Variants in PYCR3 observed in about 807,000 individuals in gnomAD.
PYCR3 encodes the protein P5C reductase 3.
A neutral mutation model predicts 23.4 loss-of-function variants in PYCR3; 26 were observed. The observed-to-expected ratio is 1.11, with a 90% CI of 0.81 to 1.54. The LOEUF (loss-of-function observed/expected upper bound fraction) is 1.54, where lower values mean the gene tolerates loss of function less well. Ranked by LOEUF, PYCR3 falls within the 40% of genes most tolerant of loss-of-function variation. PYCR3 has a pLI of 0.00. For synonymous variants in PYCR3, 194 were observed against 162.6 expected, an observed-to-expected ratio of 1.19 and a Z score of -1.47; for missense variants, 360 against 376.3, an observed-to-expected ratio of 0.96 and a Z score of 0.36.
In PYCR3 at chr8:143,605,744, C is replaced by A. The variant is rs150417299; in HGVS notation, c.781G>T (p.Val261Leu). The A allele has an allele frequency of 4.4e-6, 7 of 1,608,678 alleles. No individual in the cohort carries two copies. Among genetic ancestry groups the A allele is most frequent in the Non-Finnish European group, 5.9e-6 (7 of 1,177,190 alleles). The change falls in exon 6 of 6, where the codon GTG (valine) becomes TTG (leucine). Residue 261 changes from valine (V) to leucine (L), a missense_variant. Coordinates refer to ENST00000495276, the MANE Select transcript of PYCR3 (RefSeq NM_023078.6). Reference sequence around the variant, plus strand: ...TTGGCCCGGCAGGTGGCAGCCTCCACGGCGCTCATGGTGGCTGCTCGCAGC... The same window carrying A: ...TTGGCCCGGCAGGTGGCAGCCTCCAAGGCGCTCATGGTGGCTGCTCGCAGC... Reference protein sequence around the residue: ...GGLRAATMSAVEAATCRAKEL... With the variant: ...GGLRAATMSALEAATCRAKEL...
intron 2 of PYCR3, 121 bp downstream of exon 2, chr8:143,607,941 G>A (rs1829449260): frequency 5.4e-6 from 4 of 745,940 alleles, no homozygotes; most frequent in Non-Finnish European, 9.1e-6. Context: ...AGACCAGCCA[G>A]TCTGCAAACT....
chr8:143,609,159 T>G (rs1407693364), intron 1 of PYCR3, among the ~76,000 whole-genome samples: 1 of 152,194 alleles, frequency 6.6e-6, no homozygotes, highest in Non-Finnish European at 1.5e-5. Flanking sequence ...GAAGCCCTGC[T>G]GCTCCCCATG....
intron 3 of PYCR3, 88 bp from the exon 4 acceptor site, chr8:143,606,767 T>C (rs1829414249): frequency 7.1e-7 from 1 of 1,407,718 alleles, no homozygotes; most frequent in Non-Finnish European, 9.6e-7. Context: ...AAGGTCCACG[T>C]CAGCTCGCGG....
chr8:143,603,925 C>G lies in PYCR3; in HGVS notation c.*1775G>C, dbSNP rs1829319887. 6.6e-6 allele frequency: 1 copy of G among 151,336 alleles called. No homozygotes were observed. The highest frequency in any genetic ancestry group is 1.9e-4 in the East Asian group (1 of 5,172). 9.4% of individuals were successfully genotyped at this position (151,336 alleles called of 1,614,324 possible). On this transcript the variant is annotated 3_prime_UTR_variant, in exon 6 of 6. Coordinates refer to ENST00000495276, the MANE Select transcript of PYCR3 (RefSeq NM_023078.6). ...TTTTTTTTTTTTTCCAAGACAGAGTCTTGCTGTCACCCAGGCTGGAGTGCA... is the reference window on the plus strand; with the variant it reads ...TTTTTTTTTTTTTCCAAGACAGAGTGTTGCTGTCACCCAGGCTGGAGTGCA...
At position 143,605,154 on chromosome 8, in the gene PYCR3, T is replaced by A; in HGVS notation, c.*546A>T. On this transcript the variant is annotated 3_prime_UTR_variant, in exon 6 of 6. Transcript: ENST00000495276. ...CTGCAGGGCAGGCTCCAGCTCCCCA[T>A]GGGGGCCCCATCAGGCCAGGGCCCC... 1 of 348,772 alleles carries A rather than the reference T, an allele frequency of 2.9e-6. No homozygotes were observed. The highest frequency in any genetic ancestry group is 5.6e-6 in the Non-Finnish European group (1 of 178,230). 21.6% of individuals were successfully genotyped at this position (348,772 alleles called of 1,614,324 possible). A position where few individuals can be genotyped will look rare whatever the true frequency, so the allele number is the denominator to read the frequency against.
intron 2 of PYCR3, 55 bp downstream of exon 2, chr8:143,608,007 G>A: frequency 1.5e-6 from 2 of 1,372,604 alleles, no homozygotes; most frequent in East Asian, 2.3e-5. Context: ...TGGGACAGGA[G>A]CCAAGAGCTA....
At chr8:143,609,401 A>T (rs1247081205) in intron 1 of PYCR3, 57 bp downstream of exon 1, 1 of 1,408,980 alleles carries the variant, frequency 7.1e-7, no homozygotes, top group Non-Finnish European at 9.2e-7. Context: ...GCGGCAGGAC[A>T]CCTCCCACGG....
intron 4 of PYCR3, 121 bp downstream of exon 4, chr8:143,606,346 G>T: frequency 1.7e-6 from 2 of 1,174,302 alleles, no homozygotes; most frequent in Non-Finnish European, 2.5e-6. Flanking sequence ...CTCCCAGTGG[G>T]CCTGGGGAGC....
At position 143,605,596 on chromosome 8, in the gene PYCR3, A is replaced by C; in HGVS notation, c.*104T>G. The C allele has an allele frequency of 7.7e-6, 8 of 1,039,864 alleles. No homozygotes were observed. The South Asian group carries it at 1.3e-4, about 17-fold the overall frequency. The allele number at this position is 1,039,864 out of a possible 1,614,324, so 64.4% of individuals were successfully genotyped here. A position where few individuals can be genotyped will look rare whatever the true frequency, so the allele number is the denominator to read the frequency against. ...TTCCCTGTGCAAGGGGAGAAGGAGC[A>C]GTAGGAGACCCTCATGCAGGAGGGA... On this transcript the variant is annotated 3_prime_UTR_variant, in exon 6 of 6. Transcript: ENST00000495276.
chr8:143,605,900 G>A lies in PYCR3; in HGVS notation c.643-18C>T. On this transcript the variant is annotated intron_variant, in intron 5 of 5. Transcript: ENST00000495276. ...GCCGTCCCCTGAGGAGAGCGTTAGG[G>A]CCTGGTGACGGGGGGAGGTGGTGCG... 1 of 1,593,066 alleles carries A rather than the reference G, an allele frequency of 6.3e-7. No homozygotes were observed.
At chr8:143,608,433 G>C in intron 1 of PYCR3, 1 of 446,798 alleles carries the variant, frequency 2.2e-6, no homozygotes, top group Non-Finnish European at 4.1e-6. Context: ...GCCTGGAGCA[G>C]AAGAGGCAGT....
Position 143,609,444 on chromosome 8 carries a change from C to T in PYCR3, c.91+14G>A. 6.7e-7 allele frequency: 1 copy of T among 1,494,286 alleles called. No homozygotes were observed. Among genetic ancestry groups the T allele is most frequent in the South Asian group, 1.2e-5 (1 of 80,036 alleles). 92.6% of individuals were successfully genotyped at this position (1,494,286 alleles called of 1,614,324 possible). ...CCCACTCCAGACCGCAGGCCTAGCC[C>T]CGCGCCGCCCCACCTGCTCTGATGA... On this transcript the variant is annotated intron_variant, in intron 1 of 5. Transcript: ENST00000495276.
In PYCR3 at chr8:143,605,674, G is replaced by A; in HGVS notation, c.*26C>T. 4 of 1,572,946 alleles carry A rather than the reference G, an allele frequency of 2.5e-6. No individual in the cohort carries two copies. The highest frequency in any genetic ancestry group is 3.5e-6 in the Non-Finnish European group (4 of 1,153,488). On this transcript the variant is annotated 3_prime_UTR_variant, in exon 6 of 6. Transcript: ENST00000495276. ...CACAGGGAGAGGCAGGGGCACAGAG[G>A]CAGGAAAGGATGGCCAGAGCCCAGC...
Position 143,604,938 on chromosome 8 carries a change from G to C in PYCR3, c.*762C>G, listed in dbSNP as rs760712337. ...GCTTAGGATTGGGAGGAAAGAGGGA[G>C]CCTGTATCCAGACTAAAGCCAGGGG... On this transcript the variant is annotated 3_prime_UTR_variant, in exon 6 of 6. Coordinates refer to ENST00000495276, the MANE Select transcript of PYCR3 (RefSeq NM_023078.6). 6 of 509,662 alleles carry C rather than the reference G, an allele frequency of 1.2e-5. No homozygotes were observed. Among genetic ancestry groups the C allele is most frequent in the Non-Finnish European group, 2.0e-5 (5 of 255,860 alleles). 31.6% of individuals were successfully genotyped at this position (509,662 alleles called of 1,614,324 possible).
chr8:143,605,909 C>T (rs375939673), intron 5 of PYCR3, 27 bp from the exon 6 acceptor site: 270 of 1,589,494 alleles, frequency 1.7e-4, no homozygotes, highest in African/African-American at 2.4e-4. Flanking sequence ...GGCCTGGTGA[C>T]GGGGGGAGGT....
chr8:143,604,636 G>T lies in PYCR3; in HGVS notation c.*1064C>A. 3.2e-6 allele frequency: 1 copy of T among 313,012 alleles called. No individual in the cohort carries two copies. Among genetic ancestry groups the T allele is most frequent in the African/African-American group, 2.2e-5 (1 of 44,576 alleles). 19.4% of individuals were successfully genotyped at this position (313,012 alleles called of 1,614,324 possible). ...CAGTTGGGGCCAGCGTGGGACTGGA[G>T]GCCCAGGTGAATCTTGTGGGGCAGG... is the stretch of plus-strand genomic sequence containing the variant. On this transcript the variant is annotated 3_prime_UTR_variant, in exon 6 of 6. Coordinates refer to ENST00000495276, the MANE Select transcript of PYCR3 (RefSeq NM_023078.6).
rs975760815 is a variant in PYCR3 at position 143,609,575 on chromosome 8, C to T, written c.-27G>A. 4.8e-6 allele frequency: 7 copies of T among 1,469,800 alleles called. No homozygotes were observed. In the African/African-American group the frequency reaches 7.4e-5, roughly 15 times the overall value. 91.0% of individuals were successfully genotyped at this position (1,469,800 alleles called of 1,614,324 possible). A position where few individuals can be genotyped will look rare whatever the true frequency, so the allele number is the denominator to read the frequency against. On this transcript the variant is annotated 5_prime_UTR_variant, in exon 1 of 6. Transcript: ENST00000495276. ...TTGTTGCCTCGGACGCCGCTGCGCTCACCGCCCATCCACAGGCCGCGCCCC... is the reference window on the plus strand; with the variant it reads ...TTGTTGCCTCGGACGCCGCTGCGCTTACCGCCCATCCACAGGCCGCGCCCC...
Position 143,605,653 on chromosome 8 carries a change from G to C in PYCR3, c.*47C>G, listed in dbSNP as rs1256431733. On this transcript the variant is annotated 3_prime_UTR_variant, in exon 6 of 6. Coordinates refer to ENST00000495276, the MANE Select transcript of PYCR3 (RefSeq NM_023078.6). Reference sequence around the variant, plus strand: ...CGCAGTCCTCAGGGGAAGGGACACAGGGAGAGGCAGGGGCACAGAGGCAGG... The same window carrying C: ...CGCAGTCCTCAGGGGAAGGGACACACGGAGAGGCAGGGGCACAGAGGCAGG... 2 of 1,537,516 alleles carry C rather than the reference G, an allele frequency of 1.3e-6. No homozygotes were observed. Among genetic ancestry groups the C allele is most frequent in the Non-Finnish European group, 1.8e-6 (2 of 1,129,180 alleles).
intron 1 of PYCR3, 199 bp from the exon 2 acceptor site, chr8:143,608,325 C>G: frequency 1.7e-6 from 1 of 587,748 alleles, no homozygotes; most frequent in South Asian, 2.0e-5. Flanking sequence ...ACTTGGCGGT[C>G]AACGCCCCTG....
Sources: gnomAD v4.1 joint callset for allele counts (sites outside exome capture counted in the v4.1 genomes callset) on GRCh38, gnomAD v4.1.1 for gene constraint, MANE v1.5 for transcripts, NCBI Gene and HGNC (gene_info 2026-07-23, HGNC 2026-07-21) for gene names.